The following HTR1D variants were observed in gnomAD, a reference collection of about 807,000 sequenced individuals.
The protein encoded by HTR1D is 5-HT-1D.
A neutral mutation model predicts 21.1 loss-of-function variants in HTR1D; 18 were observed. The observed-to-expected ratio is 0.85, with a 90% CI of 0.59 to 1.27. The LOEUF is 1.27. HTR1D is among the 50% of genes most tolerant of loss of function. The pLI is 0.00. For synonymous variants in HTR1D, 196 were observed against 204.4 expected (o/e 0.96, Z 0.35); for missense variants, 456 against 481.4 (o/e 0.95, Z 0.49).
At chr1:23,204,685 G>T (rs533856965) in intron 1 of HTR1D, among the ~76,000 whole-genome samples, 53 of 152,338 alleles carry the variant, frequency 3.5e-4, no homozygotes, top group African/African-American at 1.2e-3. Flanking sequence ...GTAAGCCAGT[G>T]CCAAATGTAG....
chr1:23,206,817 G>A (rs552602618), intron 1 of HTR1D, among the ~76,000 whole-genome samples: 7 of 152,136 alleles, frequency 4.6e-5, no homozygotes, highest in African/African-American at 1.7e-4. Context: ...CTCCTTGAGT[G>A]TCTCATTCAC....
intron 1 of HTR1D, among the ~76,000 whole-genome samples, chr1:23,197,594 G>T (rs2148238882): frequency 6.6e-6 from 1 of 151,784 alleles, no homozygotes; most frequent in South Asian, 2.1e-4. Flanking sequence ...GCTGGGCATG[G>T]TGGTGGGCAC....
intron 1 of HTR1D, among the ~76,000 whole-genome samples, chr1:23,201,779 C>T (rs1465308306): frequency 6.6e-6 from 1 of 151,796 alleles, no homozygotes; most frequent in African/African-American, 2.4e-5. Context: ...GTATGGAACT[C>T]CTGGGCTCAA....
intron 1 of HTR1D, among the ~76,000 whole-genome samples, chr1:23,199,415 CTTTT>C (rs71020483): frequency 2.0e-3 from 93 of 46,250 alleles, no homozygotes; most frequent in African/African-American, 3.4e-3. Context: ...CATGTGTGGT[CTTTT>C]TTTTTTTTTT....
chr1:23,198,365 CAAAAA>C (rs58589973), intron 1 of HTR1D, among the ~76,000 whole-genome samples: 3 of 87,508 alleles, frequency 3.4e-5, no homozygotes, highest in Admixed American at 1.3e-4. Context: ...GACTCCGTCT[CAAAAA>C]AAAAAAAAAA....
At chr1:23,202,083 T>C (rs191128767) in intron 1 of HTR1D, among the ~76,000 whole-genome samples, 5 of 151,900 alleles carry the variant, frequency 3.3e-5, no homozygotes, top group African/African-American at 1.2e-4. Context: ...TTTGTTGTTG[T>C]TGTTGTTGTT....
intron 1 of HTR1D, among the ~76,000 whole-genome samples, chr1:23,196,476 C>T (rs967945490): frequency 6.7e-6 from 1 of 150,250 alleles, no homozygotes; most frequent in Non-Finnish European, 1.5e-5. Flanking sequence ...AGCAGCTAAA[C>T]CTGCAATGCA....
At chr1:23,203,615 C>G (rs571364842) in intron 1 of HTR1D, among the ~76,000 whole-genome samples, 1 of 152,220 alleles carries the variant, frequency 6.6e-6, no homozygotes, top group East Asian at 1.9e-4. Context: ...TATGATGGTA[C>G]CACTGCACTC....
Position 23,193,456 on chromosome 1 carries a change from G to A in HTR1D, c.764C>T (p.Ser255Leu), listed in dbSNP as rs759503012. 42 of 1,614,114 alleles carry A rather than the reference G, an allele frequency of 2.6e-5. No individual in the cohort carries two copies. Among genetic ancestry groups the A allele is most frequent in the Admixed American group, 1.3e-4 (8 of 60,008 alleles). The change falls in exon 2 of 2, where the codon TCG becomes TTG. Residue 255 changes from serine (S) to leucine (L), a missense_variant. Physicochemically the swap from Ser to Leu is moderately radical, Grantham distance 145. Coordinates refer to ENST00000374619, the MANE Select transcript of HTR1D (RefSeq NM_000864.5). The stretch of plus-strand genomic sequence containing the variant: ...CCCCTCATGGAGGCTGGAGTTGAGC[G>A]AGCAGAGCGAGGACCCGGCAGAGCC... Reference protein sequence around the residue: ...ITGSAGSSLCSLNSSLHEGHS... With the variant: ...ITGSAGSSLCLLNSSLHEGHS...
At chr1:23,210,542 T>C (rs1007540917) in intron 1 of HTR1D, among the ~76,000 whole-genome samples, 4 of 152,110 alleles carry the variant, frequency 2.6e-5, no homozygotes, top group Non-Finnish European at 5.9e-5. Flanking sequence ...CTGACAGGAA[T>C]TGGGCTCAGA....
In HTR1D at chr1:23,205,976, A is replaced by G. The variant is rs764404508; in HGVS notation, c.-782-10975T>C. Among the ~76,000 whole-genome samples, 5 of 151,958 alleles carry G rather than the reference A, an allele frequency of 3.3e-5. No homozygotes were observed. The South Asian group carries it at 6.2e-4, about 19-fold the overall frequency. On this transcript the variant is annotated intron_variant, in intron 1 of 1. Transcript: ENST00000374619. ...AGTGAAACCATCCTTCTTGGCTTCA[A>G]TGGTCTCCCAGCCTCTACCCCTGGC...
intron 1 of HTR1D, among the ~76,000 whole-genome samples, chr1:23,197,166 G>T (rs1644692001): frequency 6.6e-6 from 1 of 152,128 alleles, no homozygotes; most frequent in Non-Finnish European, 1.5e-5. Context: ...GGCTCAAGGG[G>T]CTGGTGTGTG....
At chr1:23,197,508 A>T (rs189096460) in intron 1 of HTR1D, among the ~76,000 whole-genome samples, 87 of 152,268 alleles carry the variant, frequency 5.7e-4, no homozygotes, top group African/African-American at 2.1e-3. Flanking sequence ...AGGCGTGTGG[A>T]TCACCTGAGG....
intron 1 of HTR1D, among the ~76,000 whole-genome samples, chr1:23,200,334 A>G (rs1229719244): frequency 6.6e-6 from 1 of 152,232 alleles, no homozygotes; most frequent in African/African-American, 2.4e-5. Flanking sequence ...GAAGGAATAC[A>G]GTGGCTAAGA....
At position 23,194,328 on chromosome 1, in the gene HTR1D, G is replaced by T; in HGVS notation, c.-109C>A. 1 of 966,574 alleles carries T rather than the reference G, an allele frequency of 1.0e-6. No homozygotes were observed. Among genetic ancestry groups the T allele is most frequent in the Non-Finnish European group, 1.6e-6 (1 of 632,334 alleles). 59.9% of individuals were successfully genotyped at this position (966,574 alleles called of 1,614,324 possible). On this transcript the variant is annotated 5_prime_UTR_variant, in exon 2 of 2. Transcript: ENST00000374619. Reference sequence around the variant, plus strand: ...CTTCTGCTTCACACTGGTGGGAGCCGTACACCAGAACAGACCACAGTGAAA... The same window carrying T: ...CTTCTGCTTCACACTGGTGGGAGCCTTACACCAGAACAGACCACAGTGAAA...
At chr1:23,209,579 G>C (rs930706954) in intron 1 of HTR1D, among the ~76,000 whole-genome samples, 2 of 152,104 alleles carry the variant, frequency 1.3e-5, no homozygotes, top group Non-Finnish European at 2.9e-5. Flanking sequence ...CATTTATTGA[G>C]AGTTTACTAT....
At chr1:23,212,080 T>G (rs764038398) in intron 1 of HTR1D, among the ~76,000 whole-genome samples, 1 of 152,150 alleles carries the variant, frequency 6.6e-6, no homozygotes, top group Non-Finnish European at 1.5e-5. Flanking sequence ...CCAGCCCACC[T>G]CTTGGCTGAG....
chr1:23,200,857 C>T (rs1361981481), intron 1 of HTR1D, among the ~76,000 whole-genome samples: 1 of 152,132 alleles, frequency 6.6e-6, no homozygotes, highest in Non-Finnish European at 1.5e-5. Context: ...CCTCCCTGCC[C>T]ACCCATTTTC....
Position 23,197,011 on chromosome 1 carries a change from T to G in HTR1D, c.-782-2010A>C, listed in dbSNP as rs151189009. On this transcript the variant is annotated intron_variant, in intron 1 of 1. Coordinates refer to ENST00000374619, the MANE Select transcript of HTR1D (RefSeq NM_000864.5). ...AACTCTGGTTGGCTCGTTTGAAACT[T>G]TCTTCCCTGCAGACAGTCTGGGTGA... is the stretch of plus-strand genomic sequence containing the variant. Among the ~76,000 whole-genome samples the G allele has an allele frequency of 1.5e-3, 229 of 152,252 alleles. 1 individual carries two copies. The highest frequency in any genetic ancestry group is 0.014 in the Middle Eastern group (4 of 294).
Sources: gnomAD v4.1 joint callset for allele counts (sites outside exome capture counted in the v4.1 genomes callset) on GRCh38, gnomAD v4.1.1 for gene constraint, MANE v1.5 for transcripts, NCBI Gene and HGNC (gene_info 2026-07-23, HGNC 2026-07-21) for gene names.